The following UHRF2 variants were observed in gnomAD, a reference collection of about 807,000 sequenced individuals.
UHRF2 encodes ubiquitin like with PHD and ring finger domains 2.
A neutral mutation model predicts 96.8 loss-of-function variants in UHRF2; 23 were observed. The ratio of observed to expected loss-of-function variants is 0.24; its 90% CI spans 0.17 to 0.34. UHRF2 has a LOEUF of 0.34. UHRF2 is among the 10% of genes least tolerant of loss of function. UHRF2 has a pLI of 1.00. For synonymous variants in UHRF2, 385 were observed against 332.6 expected (o/e 1.16, Z -1.72); for missense variants, 685 against 981.5 (o/e 0.70, Z 4.04).
At chr9:6,448,568 TTATAAG>T (rs1587808986) in intron 3 of UHRF2, among the ~76,000 whole-genome samples, 2 of 152,222 alleles carry the variant, frequency 1.3e-5, no homozygotes, top group East Asian at 3.8e-4. Flanking sequence ...CTAAGGGTTG[TTATAAG>T]TATATGTGAA....
chr9:6,445,596 C>G (rs989582367), intron 3 of UHRF2, among the ~76,000 whole-genome samples: 1 of 152,254 alleles, frequency 6.6e-6, no homozygotes, highest in South Asian at 2.1e-4. Flanking sequence ...CTTACTGTGT[C>G]ACACAGGTTG....
intron 6 of UHRF2, 145 bp from the exon 7 acceptor site, chr9:6,481,498 T>G: frequency 1.2e-6 from 1 of 837,286 alleles, no homozygotes; most frequent in East Asian, 2.6e-5. Context: ...TTGAAAAGTT[T>G]AGTATTTTAA....
chr9:6,437,455 A>G (rs577824924), intron 3 of UHRF2, among the ~76,000 whole-genome samples: 2 of 151,488 alleles, frequency 1.3e-5, no homozygotes, highest in Non-Finnish European at 2.9e-5. Context: ...CTGGTCTTGA[A>G]CTCTGGACCT....
At chr9:6,467,493 T>TA (rs2130866217) in intron 4 of UHRF2, among the ~76,000 whole-genome samples, 1 of 152,246 alleles carries the variant, frequency 6.6e-6, no homozygotes, top group South Asian at 2.1e-4. Context: ...ACTGGAATGT[T>TA]AATGTTTTGT....
intron 2 of UHRF2, among the ~76,000 whole-genome samples, chr9:6,421,453 C>G (rs866886697): frequency 6.6e-6 from 1 of 152,260 alleles, no homozygotes; most frequent in Middle Eastern, 3.4e-3. Flanking sequence ...TGCTCTGTCA[C>G]CCAGGCTGGA....
rs1485634598 is a variant in UHRF2, at chr9:6,472,161, CAG to C, written c.864-3228_864-3227del. On this transcript the variant is annotated intron_variant, in intron 4 of 15. Coordinates refer to ENST00000276893, the MANE Select transcript of UHRF2 (RefSeq NM_152896.3). ...CCGCTACCATCTGTAGCATTGGTCC[CAG>C]ACCACCACTGATTGGCCTTCTATCA... Among the ~76,000 whole-genome samples the C allele has an allele frequency of 7.2e-5, 11 of 152,292 alleles. No individual in the cohort carries two copies. In the East Asian group the frequency reaches 1.9e-3, roughly 27 times the overall value.
At chr9:6,421,772 T>A (rs937865658) in intron 2 of UHRF2, among the ~76,000 whole-genome samples, 1 of 152,184 alleles carries the variant, frequency 6.6e-6, no homozygotes, top group Non-Finnish European at 1.5e-5. Context: ...TCTCTCTGTG[T>A]CTCCCTAAGA....
chr9:6,495,293 G>C (rs1000178225), intron 10 of UHRF2: 2 of 152,164 alleles, frequency 1.3e-5, no homozygotes, highest in African/African-American at 4.8e-5. Flanking sequence ...ATAAAGAGGA[G>C]ATAGTGAAAA....
chr9:6,463,506 T>A (rs1282941919), intron 4 of UHRF2, among the ~76,000 whole-genome samples: 1 of 151,908 alleles, frequency 6.6e-6, no homozygotes, highest in African/African-American at 2.4e-5. Context: ...GGTCTCGCTC[T>A]GTTGCCCAGG....
At chr9:6,492,487 T>A in intron 9 of UHRF2, 2 of 418,966 alleles carry the variant, frequency 4.8e-6, no homozygotes, top group Non-Finnish European at 6.5e-6. Context: ...ATGTAGACCT[T>A]AATATTGGAT....
At chr9:6,445,397 G>A (rs761773550) in intron 3 of UHRF2, among the ~76,000 whole-genome samples, 20 of 152,016 alleles carry the variant, frequency 1.3e-4, no homozygotes, top group Non-Finnish European at 2.8e-4. Flanking sequence ...CTGAGTAACG[G>A]ATTACAGGGG....
At chr9:6,491,220 C>T (rs1394641528) in intron 9 of UHRF2, among the ~76,000 whole-genome samples, 2 of 152,176 alleles carry the variant, frequency 1.3e-5, no homozygotes, top group Non-Finnish European at 2.9e-5. Context: ...ACTCGGAAGC[C>T]AGAGTCTGTT....
chr9:6,432,004 A>G (rs1009144511), intron 2 of UHRF2, among the ~76,000 whole-genome samples: 2 of 152,212 alleles, frequency 1.3e-5, no homozygotes, highest in African/African-American at 4.8e-5. Context: ...GGACCTTAAC[A>G]TTGATTATTT....
intron 3 of UHRF2, among the ~76,000 whole-genome samples, chr9:6,440,975 A>G (rs1227837970): frequency 6.6e-6 from 1 of 152,184 alleles, no homozygotes; most frequent in Non-Finnish European, 1.5e-5. Flanking sequence ...TCCCTGTGAT[A>G]ATAATTCCCT....
At chr9:6,459,432 A>G (rs1034480675) in intron 3 of UHRF2, among the ~76,000 whole-genome samples, 1 of 151,976 alleles carries the variant, frequency 6.6e-6, no homozygotes, top group Non-Finnish European at 1.5e-5. Flanking sequence ...ACTTTGTGAG[A>G]CTGAGGCGGG....
At chr9:6,456,470 C>T (rs547825624) in intron 3 of UHRF2, among the ~76,000 whole-genome samples, 56 of 152,110 alleles carry the variant, frequency 3.7e-4, no homozygotes, top group African/African-American at 1.3e-3. Context: ...AATGTTCTCT[C>T]GTTCTGTAGG....
At chr9:6,446,666 A>G (rs1821525435) in intron 3 of UHRF2, among the ~76,000 whole-genome samples, 1 of 151,622 alleles carries the variant, frequency 6.6e-6, no homozygotes, top group African/African-American at 2.4e-5. Flanking sequence ...AGCCTGGCCA[A>G]CGTGGTGAAA....
chr9:6,423,484 T>C (rs888017545), intron 2 of UHRF2, among the ~76,000 whole-genome samples: 13 of 152,320 alleles, frequency 8.5e-5, no homozygotes, highest in African/African-American at 2.9e-4. Flanking sequence ...ATTAAAAATA[T>C]ATTACTTTAA....
At chr9:6,414,550 C>T (rs541839374) in intron 1 of UHRF2, among the ~76,000 whole-genome samples, 1 of 152,290 alleles carries the variant, frequency 6.6e-6, no homozygotes, top group East Asian at 1.9e-4. Flanking sequence ...ATCTATATCC[C>T]TAGCCACTCA....
Sources: allele counts gnomAD v4.1 joint callset (sites outside exome capture counted in the v4.1 genomes callset), GRCh38; gene constraint gnomAD v4.1.1; transcripts MANE v1.5; gene names NCBI Gene and HGNC (gene_info 2026-07-23, HGNC 2026-07-21).